Variants in ZNF407 observed in about 807,000 individuals in gnomAD.
ZNF407 encodes zinc finger protein 407.
In ZNF407, 17 loss-of-function variants were observed where a neutral mutation model predicts 131.2. The observed-to-expected ratio is 0.13, with a 90% CI of 0.09 to 0.19. The LOEUF is 0.19. ZNF407 is among the 10% of genes least tolerant of loss of function. ZNF407 has a pLI of 1.00. For synonymous variants in ZNF407, 1,156 were observed against 1,062.0 expected, an observed-to-expected ratio of 1.09 and a Z score of -1.72; for missense variants, 2,681 against 2,830.6, an observed-to-expected ratio of 0.95 and a Z score of 1.20.
intron 4 of ZNF407, among the ~76,000 whole-genome samples, chr18:74,842,140 TGTTGGATACTAGGCTGTAGGCTCTTTCA>T (rs1434170906): frequency 1.3e-5 from 2 of 152,214 alleles, no homozygotes; most frequent in Non-Finnish European, 2.9e-5. Context: ...TTTTTTATTC[TGTTGGATACTAGGCTGTAGGCTCTTTCA>T]GATCCTAGCT....
Position 74,765,057 on chromosome 18 carries a change from CTTG to C in ZNF407, c.4803-16365_4803-16363del, listed in dbSNP as rs1414332301. On this transcript the variant is annotated intron_variant, in intron 3 of 8. Coordinates refer to ENST00000299687, the MANE Select transcript of ZNF407 (RefSeq NM_017757.3). ...AAAGTGGACCCACACAGTTCCAATT[CTTG>C]TTGTTCAAGGGTCATCTATACTACA... is the stretch of plus-strand genomic sequence containing the variant. Among the ~76,000 whole-genome samples, 3 of 152,150 alleles carry C rather than the reference CTTG, an allele frequency of 2.0e-5. No homozygotes were observed. In the East Asian group the frequency reaches 5.8e-4, roughly 29 times the overall value.
At chr18:74,701,536 CGAGTACCA>C (rs1342634770) in intron 3 of ZNF407, among the ~76,000 whole-genome samples, 1 of 152,116 alleles carries the variant, frequency 6.6e-6, no homozygotes, top group East Asian at 1.9e-4. Flanking sequence ...AAGAAACAAA[CGAGTACCA>C]GAAAGCTTCT....
intron 8 of ZNF407, among the ~76,000 whole-genome samples, chr18:75,045,028 T>A (rs1474949580): frequency 6.6e-6 from 1 of 151,656 alleles, no homozygotes; most frequent in Non-Finnish European, 1.5e-5. Flanking sequence ...AGGAATGAAG[T>A]TTTTTTCAGC....
intron 8 of ZNF407, among the ~76,000 whole-genome samples, chr18:75,020,552 G>A (rs1338226105): frequency 6.6e-6 from 1 of 152,146 alleles, no homozygotes; most frequent in Admixed American, 6.5e-5. Flanking sequence ...AGAAGATTCT[G>A]TGAGAATTTA....
intron 7 of ZNF407, among the ~76,000 whole-genome samples, chr18:74,893,444 A>G (rs926721489): frequency 1.3e-5 from 2 of 152,218 alleles, no homozygotes; most frequent in African/African-American, 4.8e-5. Context: ...ACTACTGAAC[A>G]AAAGGCAAGT....
intron 4 of ZNF407, among the ~76,000 whole-genome samples, chr18:74,835,049 T>A (rs1020749375): frequency 2.0e-5 from 3 of 152,154 alleles, no homozygotes; most frequent in Non-Finnish European, 4.4e-5. Context: ...GTTGACCACA[T>A]CAGCCTCGAA....
intron 3 of ZNF407, among the ~76,000 whole-genome samples, chr18:74,708,998 G>T (rs1185057153): frequency 1.3e-5 from 2 of 152,170 alleles, no homozygotes; most frequent in African/African-American, 4.8e-5. Flanking sequence ...GAAAGTGAAA[G>T]ACCTCAAAAT....
chr18:74,646,973 T>C (rs913135353), intron 3 of ZNF407, among the ~76,000 whole-genome samples: 7 of 152,222 alleles, frequency 4.6e-5, no homozygotes, highest in Non-Finnish European at 8.8e-5. Flanking sequence ...GTAAGTATGA[T>C]CAACCTATAA....
At chr18:74,783,704 C>T (rs1163581502) in intron 4 of ZNF407, among the ~76,000 whole-genome samples, 1 of 152,148 alleles carries the variant, frequency 6.6e-6, no homozygotes, top group East Asian at 1.9e-4. Context: ...AAGCCCTTCT[C>T]AGATATTGAC....
intron 1 of ZNF407, among the ~76,000 whole-genome samples, chr18:74,620,599 C>T (rs1474308673): frequency 6.6e-6 from 1 of 152,190 alleles, no homozygotes; most frequent in Non-Finnish European, 1.5e-5. Flanking sequence ...TATACTCTGA[C>T]CACTTGGGCA....
chr18:74,898,942 C>CT (rs1368373349), intron 7 of ZNF407, among the ~76,000 whole-genome samples: 1 of 152,142 alleles, frequency 6.6e-6, no homozygotes, highest in Non-Finnish European at 1.5e-5. Context: ...CCTCAGATAT[C>CT]TTTGAGTTAA....
At chr18:74,822,187 T>C (rs1476820379) in intron 4 of ZNF407, among the ~76,000 whole-genome samples, 1 of 152,250 alleles carries the variant, frequency 6.6e-6, no homozygotes, top group Non-Finnish European at 1.5e-5. Flanking sequence ...ATGGATAGAT[T>C]GCAAAATTTT....
intron 8 of ZNF407, among the ~76,000 whole-genome samples, chr18:75,055,698 AT>A (rs1467855655): frequency 3.7e-4 from 57 of 152,276 alleles, no homozygotes; most frequent in African/African-American, 1.3e-3. Context: ...CCAACTCGAG[AT>A]AAAATTTAGT....
chr18:74,960,724 T>A (rs1422388684), intron 8 of ZNF407, among the ~76,000 whole-genome samples: 1 of 141,952 alleles, frequency 7.0e-6, no homozygotes, highest in Non-Finnish European at 1.5e-5. Flanking sequence ...AGGTCCTGAG[T>A]GTGGACTGGG....
At chr18:74,780,758 G>A (rs551139294) in intron 3 of ZNF407, among the ~76,000 whole-genome samples, 59 of 152,206 alleles carry the variant, frequency 3.9e-4, no homozygotes, top group African/African-American at 1.3e-3. Context: ...ACTGTGTTCA[G>A]GGGTAGAATG....
At chr18:74,848,092 G>A (rs769909318) in intron 4 of ZNF407, among the ~76,000 whole-genome samples, 10 of 152,064 alleles carry the variant, frequency 6.6e-5, no homozygotes, top group African/African-American at 2.2e-4. Flanking sequence ...ATTTTATAGC[G>A]TGACAAACCT....
At chr18:74,813,412 A>T (rs955241136) in intron 4 of ZNF407, among the ~76,000 whole-genome samples, 2 of 152,082 alleles carry the variant, frequency 1.3e-5, no homozygotes, top group Middle Eastern at 3.4e-3. Context: ...CTCAAACGGG[A>T]ATTTGTCTTC....
chr18:74,631,696 G>C lies in ZNF407; in HGVS notation c.677G>C (p.Ser226Thr). 6.2e-7 allele frequency: 1 copy of C among 1,613,990 alleles called. No homozygotes were observed. Among genetic ancestry groups the C allele is most frequent in the Non-Finnish European group, 8.5e-7 (1 of 1,179,898 alleles). Residue 226 changes from serine to threonine, a missense_variant, in exon 2 of 9, where the codon AGC becomes ACC. Coordinates refer to ENST00000299687, the MANE Select transcript of ZNF407 (RefSeq NM_017757.3). ...TCCHCSHKAE[S>T]SSALHMHIKQ... Reference sequence around the variant, plus strand: ...TGTCACTGCAGCCACAAAGCAGAGAGCAGCTCAGCACTACATATGCATATC... The same window carrying C: ...TGTCACTGCAGCCACAAAGCAGAGACCAGCTCAGCACTACATATGCATATC...
At chr18:74,974,048 C>A (rs1297239303) in intron 8 of ZNF407, among the ~76,000 whole-genome samples, 2 of 152,140 alleles carry the variant, frequency 1.3e-5, no homozygotes, top group African/African-American at 4.8e-5. Flanking sequence ...TGACATATGG[C>A]AATTCAATTA....
Sources: allele counts gnomAD v4.1 joint callset (sites outside exome capture counted in the v4.1 genomes callset), GRCh38; gene constraint gnomAD v4.1.1; transcripts MANE v1.5; gene names NCBI Gene and HGNC (gene_info 2026-07-23, HGNC 2026-07-21).